The following CFAP299 variants were observed in gnomAD, a reference collection of about 807,000 sequenced individuals.
CFAP299 encodes cilia and flagella associated protein 299, also known as cilia- and flagella-associated protein 299.
CFAP299 carries 21 observed loss-of-function variants against 27.0 expected under a neutral mutation model. The ratio of observed to expected loss-of-function variants is 0.78; its 90% confidence interval spans 0.55 to 1.12. The LOEUF (loss-of-function observed/expected upper bound fraction) is 1.12, where lower values mean the gene tolerates loss of function less well. Ranked by LOEUF, CFAP299 falls within the 50% of genes most tolerant of loss-of-function variation. CFAP299 has a pLI of 0.00. For synonymous variants in CFAP299, 104 were observed against 98.1 expected, an observed-to-expected ratio of 1.06 and a Z score of -0.36; for missense variants, 310 against 276.6, an observed-to-expected ratio of 1.12 and a Z score of -0.86.
At chr4:80,699,225 T>C (rs553797818) in intron 3 of CFAP299, among the ~76,000 whole-genome samples, 5 of 152,160 alleles carry the variant, frequency 3.3e-5, no homozygotes, top group African/African-American at 1.2e-4. Flanking sequence ...TTGTCTCAGA[T>C]GTACTTATAA....
intron 4 of CFAP299, among the ~76,000 whole-genome samples, chr4:80,906,180 C>CA (rs34072040): frequency 0.33 from 49,702 of 152,076 alleles, 12,643 homozygotes; most frequent in African/African-American, 0.71. Context: ...AGGCCCCATG[C>CA]AGCCCAAAAT....
At chr4:80,676,067 A>G (rs746439077) in intron 3 of CFAP299, among the ~76,000 whole-genome samples, 12 of 152,256 alleles carry the variant, frequency 7.9e-5, no homozygotes, top group Non-Finnish European at 1.3e-4. Context: ...ACCAGTCCCA[A>G]TGAGATGAAC....
At chr4:80,873,014 T>A in intron 4 of CFAP299, 1 of 982,386 alleles carries the variant, frequency 1.0e-6, no homozygotes, top group Non-Finnish European at 1.2e-6. Flanking sequence ...AGTTTGTGCT[T>A]TTGTATTTTG....
At chr4:80,708,648 T>C (rs1721960030) in intron 3 of CFAP299, among the ~76,000 whole-genome samples, 1 of 152,146 alleles carries the variant, frequency 6.6e-6, no homozygotes, top group Non-Finnish European at 1.5e-5. Flanking sequence ...CATATGCATC[T>C]CTTCAAACAG....
intron 2 of CFAP299, among the ~76,000 whole-genome samples, chr4:80,479,772 AG>A (rs1356823407): frequency 6.6e-6 from 1 of 152,034 alleles, no homozygotes; most frequent in Non-Finnish European, 1.5e-5. Context: ...CTTTTGTCCA[AG>A]AAACTTGTTT....
intron 2 of CFAP299, among the ~76,000 whole-genome samples, chr4:80,553,871 C>T (rs1560621533): frequency 6.6e-6 from 1 of 152,002 alleles, no homozygotes; most frequent in Non-Finnish European, 1.5e-5. Flanking sequence ...GTTTAAGTTC[C>T]TTATAGATGC....
chr4:80,526,877 G>A (rs896946513), intron 2 of CFAP299, among the ~76,000 whole-genome samples: 5 of 152,024 alleles, frequency 3.3e-5, no homozygotes, highest in Admixed American at 2.6e-4. Flanking sequence ...CATATGTAAG[G>A]TTTTATTTTA....
chr4:80,880,430 T>A (rs2110175703), intron 4 of CFAP299, among the ~76,000 whole-genome samples: 1 of 152,156 alleles, frequency 6.6e-6, no homozygotes, highest in South Asian at 2.1e-4. Context: ...AAATTCAGAA[T>A]GCGGTTAAGA....
At chr4:80,412,981 A>G (rs1479531730) in intron 2 of CFAP299, among the ~76,000 whole-genome samples, 5 of 152,206 alleles carry the variant, frequency 3.3e-5, no homozygotes, top group Admixed American at 2.6e-4. Context: ...TTTAGAATTT[A>G]TTATATATGC....
At chr4:80,723,369 T>TA (rs1247727004) in intron 3 of CFAP299, among the ~76,000 whole-genome samples, 5 of 152,094 alleles carry the variant, frequency 3.3e-5, no homozygotes, top group Admixed American at 1.3e-4. Context: ...GGCTAAAGGA[T>TA]AAAAAAGCAG....
At chr4:80,665,219 T>C (rs933361289) in intron 3 of CFAP299, among the ~76,000 whole-genome samples, 20 of 152,236 alleles carry the variant, frequency 1.3e-4, no homozygotes, top group African/African-American at 4.1e-4. Context: ...ATTTTCTGTA[T>C]ATTTTGGAAA....
At chr4:80,586,425 T>C (rs1434317837) in intron 3 of CFAP299, among the ~76,000 whole-genome samples, 1 of 152,132 alleles carries the variant, frequency 6.6e-6, no homozygotes, top group Non-Finnish European at 1.5e-5. Flanking sequence ...AGACAAACAG[T>C]TGCTTATAGA....
At position 80,366,053 on chromosome 4, in the gene CFAP299, C is replaced by T. The variant is rs1723817964; in HGVS notation, c.242+3169C>T. Among the ~76,000 whole-genome samples the T allele has an allele frequency of 1.3e-5, 2 of 152,152 alleles. 1 individual carries two copies. Among genetic ancestry groups the T allele is most frequent in the South Asian group, 4.1e-4 (2 of 4,834 alleles). On this transcript the variant is annotated intron_variant, in intron 2 of 5. Coordinates refer to ENST00000358105, the MANE Select transcript of CFAP299 (RefSeq NM_152770.3). ...GATGGGTACCATATGTTGCCTTTTG[C>T]CCCATGTGGTAGTCCATTCCCTTCC...
the CFAP299 span, among the ~76,000 whole-genome samples, chr4:80,330,469 C>T: frequency 6.6e-6 from 1 of 152,102 alleles, no homozygotes; most frequent in East Asian, 1.9e-4. Flanking sequence ...ATAAATTTCT[C>T]TTATCACCCT....
chr4:80,408,733 G>T (rs1726555201), intron 2 of CFAP299, among the ~76,000 whole-genome samples: 1 of 151,928 alleles, frequency 6.6e-6, no homozygotes, highest in Non-Finnish European at 1.5e-5. Flanking sequence ...GATAAGAATG[G>T]TGGACACCGA....
chr4:80,944,014 T>C (rs1737338579), intron 4 of CFAP299, among the ~76,000 whole-genome samples: 1 of 151,558 alleles, frequency 6.6e-6, no homozygotes, highest in Admixed American at 6.6e-5. Flanking sequence ...TGCAGTGAGC[T>C]GAGATCACGC....
chr4:80,712,542 G>C (rs1380236944), intron 3 of CFAP299, among the ~76,000 whole-genome samples: 1 of 152,150 alleles, frequency 6.6e-6, no homozygotes, highest in Non-Finnish European at 1.5e-5. Context: ...TGAATTAAAT[G>C]TGTAAGTCAA....
chr4:80,680,739 A>G (rs1719783917), intron 3 of CFAP299, among the ~76,000 whole-genome samples: 1 of 152,202 alleles, frequency 6.6e-6, no homozygotes, highest in Non-Finnish European at 1.5e-5. Context: ...ATTTAGCATT[A>G]TTAAGGCCCA....
At chr4:80,581,453 G>GATAGATATATATATATAT (rs1212459486) in intron 2 of CFAP299, among the ~76,000 whole-genome samples, 1 of 103,016 alleles carries the variant, frequency 9.7e-6, no homozygotes, top group African/African-American at 6.3e-5. Flanking sequence ...TATTAAGTGA[G>GATAGATATATATATATAT]ATATATATAT....
Sources: gnomAD v4.1 joint callset for allele counts (sites outside exome capture counted in the v4.1 genomes callset) on GRCh38, gnomAD v4.1.1 for gene constraint, MANE v1.5 for transcripts, NCBI Gene and HGNC (gene_info 2026-07-23, HGNC 2026-07-21) for gene names.